Variants in DDO observed in about 807,000 individuals in gnomAD.
The protein encoded by DDO is D-aspartate oxidase, also known as D-aspartate oxidase, DDO.
DDO carries 16 observed loss-of-function variants against 16.8 expected under a neutral mutation model. That is an observed-to-expected ratio of 0.95 (90% CI 0.65 to 1.45). The LOEUF (loss-of-function observed/expected upper bound fraction) is 1.45. DDO is among the 40% of genes most tolerant of loss of function. The probability of loss-of-function intolerance (pLI) is 0.00; values close to 1 mark genes in which losing one functional copy is unlikely to be tolerated. For synonymous variants in DDO, 180 were observed against 167.2 expected (o/e 1.08, Z -0.59); for missense variants, 429 against 420.3 (o/e 1.02, Z -0.18).
chr6:110,412,097 T>C (rs1773876729), intron 2 of DDO, among the ~76,000 whole-genome samples: 1 of 151,992 alleles, frequency 6.6e-6, no homozygotes, highest in Non-Finnish European at 1.5e-5. Flanking sequence ...AATACAAAAA[T>C]TAGCCGGGCG....
chr6:110,406,878 C>A (rs1049514453), intron 3 of DDO, among the ~76,000 whole-genome samples: 30 of 152,336 alleles, frequency 2.0e-4, no homozygotes, highest in Middle Eastern at 3.4e-3. Flanking sequence ...TCCATAGCAC[C>A]CTAGCCTCTT....
At position 110,400,078 on chromosome 6, in the gene DDO, G is replaced by A. The variant is rs1186665831; in HGVS notation, c.458+4696C>T. On this transcript the variant is annotated intron_variant, in intron 4 of 4. Coordinates refer to ENST00000368924, the MANE Select transcript of DDO (RefSeq NM_001372108.2). ...CCCCTGGCTGGGGGTCATTTTAAGTGGCGGGAAATGCTGACCGCAGGCCCG... is the reference window on the plus strand; with the variant it reads ...CCCCTGGCTGGGGGTCATTTTAAGTAGCGGGAAATGCTGACCGCAGGCCCG... Among the ~76,000 whole-genome samples, 4 of 152,182 alleles carry A rather than the reference G, an allele frequency of 2.6e-5. No individual in the cohort carries two copies. The South Asian group carries it at 6.2e-4, about 24-fold the overall frequency.
intron 3 of DDO, among the ~76,000 whole-genome samples, chr6:110,406,214 G>A (rs1773650478): frequency 6.6e-6 from 1 of 152,026 alleles, no homozygotes; most frequent in South Asian, 2.1e-4. Context: ...TCCAAAAACA[G>A]ATCCGGACCC....
At chr6:110,408,736 T>C (rs1216706639) in intron 2 of DDO, among the ~76,000 whole-genome samples, 2 of 152,228 alleles carry the variant, frequency 1.3e-5, no homozygotes, top group Non-Finnish European at 2.9e-5. Flanking sequence ...AAGGTGGTTT[T>C]TGGTACTAGG....
At chr6:110,398,419 C>A (rs1246178949) in intron 4 of DDO, among the ~76,000 whole-genome samples, 138 of 135,732 alleles carry the variant, frequency 1.0e-3, no homozygotes, top group African/African-American at 4.2e-3. Flanking sequence ...CACACACACA[C>A]ACACACACTT....
At chr6:110,388,796 A>G (rs573689213), downstream of DDO, 3 of 983,096 alleles carry the variant, frequency 3.1e-6, no homozygotes, top group African/African-American at 3.5e-5. Context: ...GAAGGAAATC[A>G]GTTGTTCTTC....
At chr6:110,413,002 G>C (rs1202700757) in intron 2 of DDO, among the ~76,000 whole-genome samples, 15 of 152,088 alleles carry the variant, frequency 9.9e-5, no homozygotes, top group Admixed American at 9.8e-4. Flanking sequence ...AACTAGCCAG[G>C]CATGATGGTG....
chr6:110,412,270 C>A (rs891809014), intron 2 of DDO, among the ~76,000 whole-genome samples: 1 of 148,202 alleles, frequency 6.7e-6, no homozygotes, highest in Non-Finnish European at 1.5e-5. Flanking sequence ...AAAAAAAAAT[C>A]CATGCATCTT....
chr6:110,392,468 A>G lies in DDO; in HGVS notation c.*307T>C, dbSNP rs1773128230. On this transcript the variant is annotated 3_prime_UTR_variant, in exon 5 of 5. Transcript: ENST00000368924. ...TATGCCATTAATGCTGGACTTCCTA[A>G]GTAAGCCTACATGTTGCATCATTTC... 9.2e-7 allele frequency: 1 copy of G among 1,082,640 alleles called. No homozygotes were observed. The highest frequency in any genetic ancestry group is 1.1e-6 in the Non-Finnish European group (1 of 894,502). 67.1% of individuals were successfully genotyped at this position (1,082,640 alleles called of 1,614,324 possible). A position where few individuals can be genotyped will look rare whatever the true frequency, so the allele number is the denominator to read the frequency against.
rs147383711 is a variant in DDO, at chr6:110,414,353, G to A, written c.-4-887C>T. ...GGTTCTGTAACCTGAGGAGCAGTCC[G>A]TGGTCTCCTAGCCTCCACTCCCTCA... is the stretch of plus-strand genomic sequence containing the variant. On this transcript the variant is annotated intron_variant, in intron 1 of 4. Transcript: ENST00000368924. Among the ~76,000 whole-genome samples, 340 of 152,336 alleles carry A rather than the reference G, an allele frequency of 2.2e-3. 1 individual carries two copies. The highest frequency in any genetic ancestry group is 7.7e-3 in the African/African-American group (321 of 41,592).
At position 110,392,537 on chromosome 6, in the gene DDO, T is replaced by C. The variant is rs1773131199; in HGVS notation, c.*238A>G. 2 of 1,203,586 alleles carry C rather than the reference T, an allele frequency of 1.7e-6. No homozygotes were observed. The highest frequency in any genetic ancestry group is 1.6e-5 in the African/African-American group (1 of 63,782). The allele number at this position is 1,203,586 out of a possible 1,614,324, so 74.6% of individuals were successfully genotyped here. A position where few individuals can be genotyped will look rare whatever the true frequency, so the allele number is the denominator to read the frequency against. On this transcript the variant is annotated 3_prime_UTR_variant, in exon 5 of 5. Coordinates refer to ENST00000368924, the MANE Select transcript of DDO (RefSeq NM_001372108.2). The stretch of plus-strand genomic sequence containing the variant: ...TTTTAGAGGTGGGAACTGGCACCTC[T>C]AAAAAATGTTACCCAGATTGCACTC...
intron 4 of DDO, among the ~76,000 whole-genome samples, chr6:110,394,655 G>C (rs1773232432): frequency 6.6e-6 from 1 of 152,218 alleles, no homozygotes; most frequent in Admixed American, 6.5e-5. Flanking sequence ...ATGCTTGGCA[G>C]AATGGACTAA....
intron 3 of DDO, 139 bp from the exon 4 acceptor site, chr6:110,405,089 T>C: frequency 2.4e-6 from 2 of 848,408 alleles, no homozygotes; most frequent in Non-Finnish European, 3.6e-6. Flanking sequence ...CAGGTGGGAG[T>C]GCAGTGGCAC....
chr6:110,397,208 G>T (rs1386506956), intron 4 of DDO, among the ~76,000 whole-genome samples: 2 of 152,106 alleles, frequency 1.3e-5, no homozygotes, highest in African/African-American at 4.8e-5. Context: ...GCTCAATAAA[G>T]ACCTTTTATT....
At chr6:110,406,637 C>T (rs1773666250) in intron 3 of DDO, among the ~76,000 whole-genome samples, 1 of 152,202 alleles carries the variant, frequency 6.6e-6, no homozygotes, top group Non-Finnish European at 1.5e-5. Context: ...CTCTGGACTT[C>T]CTTCAGTCCC....
rs758275697 is a variant in DDO, at chr6:110,393,267, G to A, written c.534C>T (p.Ile178=). The A allele has an allele frequency of 6.2e-6, 10 of 1,613,930 alleles. No homozygotes were observed. In the Middle Eastern group the frequency reaches 4.9e-4, roughly 80 times the overall value. ...DLWELHPSFD[I]VVNCSGLGSR... The stretch of plus-strand genomic sequence containing the variant: ...TTCCAAGGCCTGAACAGTTGACCAC[G>A]ATGTCAAAGGACGGATGAAGTTCCC... The change falls in exon 5 of 5, where the codon ATC becomes ATT. Residue 178 remains isoleucine (I), a synonymous_variant. Transcript: ENST00000368924.
chr6:110,409,863 A>G (rs898574552), intron 2 of DDO, among the ~76,000 whole-genome samples: 2 of 152,256 alleles, frequency 1.3e-5, no homozygotes, highest in Non-Finnish European at 2.9e-5. Flanking sequence ...CACATGCTGC[A>G]GAAGTCATCC....
intron 4 of DDO, among the ~76,000 whole-genome samples, chr6:110,396,290 C>T (rs2057149): frequency 0.74 from 112,083 of 152,176 alleles, 42,100 homozygotes; most frequent in African/African-American, 0.88. Flanking sequence ...GTATGTCCAC[C>T]GAGCAGTTTC....
At chr6:110,408,292 A>T (rs370189863) in intron 3 of DDO, 42 bp downstream of exon 3, 109 of 1,575,102 alleles carry the variant, frequency 6.9e-5, no homozygotes, top group Non-Finnish European at 9.2e-5. Flanking sequence ...GCCTGTTAAG[A>T]TCATGCTACA....
Sources: gnomAD v4.1 joint callset for allele counts (sites outside exome capture counted in the v4.1 genomes callset) on GRCh38, gnomAD v4.1.1 for gene constraint, MANE v1.5 for transcripts, NCBI Gene and HGNC (gene_info 2026-07-23, HGNC 2026-07-21) for gene names.